The following GOLGA4 variants were observed in gnomAD, a reference collection of about 807,000 sequenced individuals.
GOLGA4 encodes the protein golgin subfamily A member 4.
In GOLGA4, 169 loss-of-function variants were observed where a neutral mutation model predicts 265.9. The ratio of observed to expected loss-of-function variants is 0.64; its 90% CI spans 0.56 to 0.72. GOLGA4 has a LOEUF of 0.72. GOLGA4 is among the 30% of genes least tolerant of loss of function. The probability of loss-of-function intolerance (pLI) is 0.00; values close to 1 mark genes in which losing one functional copy is unlikely to be tolerated. For synonymous variants in GOLGA4, 923 were observed against 855.8 expected (o/e 1.08, Z -1.37); for missense variants, 2,482 against 2,483.4 (o/e 1.00, Z 0.01).
At chr3:37,314,010 G>A (rs2096930290) in intron 10 of GOLGA4, among the ~76,000 whole-genome samples, 1 of 151,300 alleles carries the variant, frequency 6.6e-6, no homozygotes, top group South Asian at 2.1e-4. Context: ...TGTCGGCCAG[G>A]CTGGAGTGCA....
At chr3:37,261,510 A>T (rs1288828918) in intron 2 of GOLGA4, among the ~76,000 whole-genome samples, 2 of 152,226 alleles carry the variant, frequency 1.3e-5, no homozygotes, top group Non-Finnish European at 2.9e-5. Flanking sequence ...AAATGATTTG[A>T]GTAACTGCAG....
At chr3:37,362,688 T>G (rs1013954411) in intron 23 of GOLGA4, among the ~76,000 whole-genome samples, 4 of 151,540 alleles carry the variant, frequency 2.6e-5, no homozygotes, top group Non-Finnish European at 5.9e-5. Context: ...AGGCACCTAT[T>G]TTTTTATTTT....
At chr3:37,284,355 A>G (rs2096842580) in intron 3 of GOLGA4, among the ~76,000 whole-genome samples, 1 of 151,920 alleles carries the variant, frequency 6.6e-6, no homozygotes. Context: ...ACCTCCGCCT[A>G]CTGGGTCCTG....
rs1364998652 is a variant in GOLGA4, at chr3:37,326,420, AAGG to A, written c.4537_4539del (p.Glu1513del). On this transcript the variant is annotated inframe_deletion, in exon 14 of 24. Coordinates refer to ENST00000361924, the MANE Select transcript of GOLGA4 (RefSeq NM_002078.5). ...AGACGACAAGAGCAAGATGGAGAAA[AAGG>A]AGTCTAATTTAGAAACAGAGTTAAA... 1 of 1,612,822 alleles carries A rather than the reference AAGG, an allele frequency of 6.2e-7. No homozygotes were observed. The highest frequency in any genetic ancestry group is 8.5e-7 in the Non-Finnish European group (1 of 1,179,150).
Position 37,324,048 on chromosome 3 carries a change from T to G in GOLGA4, c.2162T>G (p.Leu721Ter). ...CAAACAGATAAAATGAAGCAGGAAT[T>G]AGAGGCCAAGATGGATGAACAGAAA... ...KDQTDKMKQE[L>*]EAKMDEQKNH... The change falls in exon 14 of 24, where the codon TTA becomes TGA. Residue 721 changes from leucine (L) to a stop codon, truncating the protein, a stop_gained. Transcript: ENST00000361924. LOFTEE classifies it high-confidence loss of function. 3 of 1,614,038 alleles carry G rather than the reference T, an allele frequency of 1.9e-6. No individual in the cohort carries two copies. Among genetic ancestry groups the G allele is most frequent in the Non-Finnish European group, 2.5e-6 (3 of 1,180,020 alleles).
chr3:37,364,037 G>C (rs182070813), intron 23 of GOLGA4, among the ~76,000 whole-genome samples: 2 of 152,078 alleles, frequency 1.3e-5, no homozygotes, highest in African/African-American at 4.8e-5. Flanking sequence ...TATTGAACTA[G>C]TTTTATAAAT....
chr3:37,279,566 T>C (rs1458956780), intron 2 of GOLGA4, among the ~76,000 whole-genome samples: 2 of 152,208 alleles, frequency 1.3e-5, no homozygotes, highest in Non-Finnish European at 2.9e-5. Flanking sequence ...GTGTTTTTTT[T>C]CCTTCTTTTC....
At chr3:37,356,637 CAA>C (rs1207741819) in intron 22 of GOLGA4, among the ~76,000 whole-genome samples, 1 of 152,036 alleles carries the variant, frequency 6.6e-6, no homozygotes, top group Non-Finnish European at 1.5e-5. Context: ...TCTAATTCTA[CAA>C]GCATGAAATT....
chr3:37,317,740 C>G (rs899826296), intron 11 of GOLGA4, among the ~76,000 whole-genome samples: 54 of 151,848 alleles, frequency 3.6e-4, no homozygotes, highest in Non-Finnish European at 5.4e-4. Flanking sequence ...ATATTTTTTT[C>G]TATTTATTTG....
intron 2 of GOLGA4, among the ~76,000 whole-genome samples, chr3:37,256,796 C>A (rs2096749941): frequency 6.6e-6 from 1 of 152,140 alleles, no homozygotes; most frequent in Non-Finnish European, 1.5e-5. Context: ...ATGAAGCTAA[C>A]ATCCTCCTAT....
At chr3:37,289,880 T>A (rs1387259366) in intron 5 of GOLGA4, among the ~76,000 whole-genome samples, 1 of 152,170 alleles carries the variant, frequency 6.6e-6, no homozygotes, top group Non-Finnish European at 1.5e-5. Context: ...ATCCCAACAA[T>A]TGCATATTTT....
At chr3:37,281,713 C>A (rs2096835191) in intron 2 of GOLGA4, among the ~76,000 whole-genome samples, 1 of 152,190 alleles carries the variant, frequency 6.6e-6, no homozygotes, top group South Asian at 2.1e-4. Flanking sequence ...AAGTGACTTA[C>A]TGAAGGGCAT....
At chr3:37,254,468 ATTGTT>A (rs757442538) in intron 2 of GOLGA4, among the ~76,000 whole-genome samples, 34 of 151,788 alleles carry the variant, frequency 2.2e-4, no homozygotes, top group Middle Eastern at 3.4e-3. Context: ...TGTTTTTTTA[ATTGTT>A]TTGTTTTAAA....
rs12107582 is a variant in GOLGA4, at chr3:37,251,747, C to T, written c.162+263C>T. Among the ~76,000 whole-genome samples the T allele has an allele frequency of 9.1e-3, 1,386 of 151,922 alleles. 29 individuals are homozygous for T. The highest frequency in any genetic ancestry group is 0.032 in the African/African-American group (1,314 of 41,404). Reference sequence around the variant, plus strand: ...TCACCCAGGCTAGAGTGTGGTGGCACGATCACTGCACATTGCAGCCTTGAC... The same window carrying T: ...TCACCCAGGCTAGAGTGTGGTGGCATGATCACTGCACATTGCAGCCTTGAC... On this transcript the variant is annotated intron_variant, in intron 2 of 23. Transcript: ENST00000361924.
chr3:37,265,691 C>T (rs548291439), intron 2 of GOLGA4, among the ~76,000 whole-genome samples: 1 of 152,290 alleles, frequency 6.6e-6, no homozygotes, highest in Non-Finnish European at 1.5e-5. Context: ...AAAGTTTCCT[C>T]CTACCCCCAC....
chr3:37,341,802 A>G (rs2097035418), intron 20 of GOLGA4: 1 of 152,242 alleles, frequency 6.6e-6, no homozygotes, highest in African/African-American at 2.4e-5. Flanking sequence ...GTTATTTTCC[A>G]TGTAAGAATT....
rs1156813467 is a variant in GOLGA4, at chr3:37,265,336, TGTCTTTAAACTTATAGA to T, written c.162+13855_162+13871del. Reference sequence around the variant, plus strand: ...CCAGAAGCACTAGTGTAACAGAAAATGTCTTTAAACTTATAGAGTTTCAAATGTTTCTTCTGTACATA... The same window carrying T: ...CCAGAAGCACTAGTGTAACAGAAAATGTTTCAAATGTTTCTTCTGTACATA... On this transcript the variant is annotated intron_variant, in intron 2 of 23. Coordinates refer to ENST00000361924, the MANE Select transcript of GOLGA4 (RefSeq NM_002078.5). 4.9e-4 allele frequency among the ~76,000 whole-genome samples: 75 copies of T among 152,170 alleles called. No homozygotes were observed. The Middle Eastern group carries it at 0.01, about 21-fold the overall frequency.
intron 21 of GOLGA4, among the ~76,000 whole-genome samples, chr3:37,348,705 C>G (rs534743696): frequency 2.6e-5 from 4 of 152,258 alleles, no homozygotes; most frequent in Non-Finnish European, 2.9e-5. Flanking sequence ...GAATCTAAAG[C>G]TATGATGCAA....
chr3:37,263,617 G>A (rs1368819097), intron 2 of GOLGA4, among the ~76,000 whole-genome samples: 1 of 152,138 alleles, frequency 6.6e-6, no homozygotes, highest in African/African-American at 2.4e-5. Context: ...ATTTAGGAAG[G>A]AAATAACAAG....
Sources: gnomAD v4.1 joint callset for allele counts (sites outside exome capture counted in the v4.1 genomes callset) on GRCh38, gnomAD v4.1.1 for gene constraint, MANE v1.5 for transcripts, NCBI Gene and HGNC (gene_info 2026-07-23, HGNC 2026-07-21) for gene names.